The following PPWD1 variants were observed in gnomAD, a reference collection of about 807,000 sequenced individuals.
The protein encoded by PPWD1 is peptidylprolyl isomerase domain and WD repeat-containing protein 1.
Under a neutral mutation model 68.8 loss-of-function variants are expected in PPWD1, and 43 were observed. The ratio of observed to expected loss-of-function variants is 0.62; its 90% CI spans 0.49 to 0.81. The LOEUF is 0.81. Ranked by LOEUF, PPWD1 falls within the 30% of genes least tolerant of loss-of-function variation. PPWD1 has a pLI of 0.00. For missense variants in PPWD1, 672 were observed against 804.8 expected, an observed-to-expected ratio of 0.83 and a Z score of 2.00; for synonymous variants, 232 against 258.7, an observed-to-expected ratio of 0.90 and a Z score of 0.99.
intron 7 of PPWD1, among the ~76,000 whole-genome samples, 158 bp downstream of exon 7, chr5:65,579,771 G>A (rs575995858): frequency 2.6e-5 from 4 of 152,282 alleles, no homozygotes; most frequent in Admixed American, 2.0e-4. Flanking sequence ...GAATTTTAAA[G>A]TAGAAGTTGA....
At position 65,567,616 on chromosome 5, in the gene PPWD1, G is replaced by A; in HGVS notation, c.299+1G>A. 6.3e-7 allele frequency: 1 copy of A among 1,579,638 alleles called. No homozygotes were observed. Among genetic ancestry groups the A allele is most frequent in the Non-Finnish European group, 8.6e-7 (1 of 1,162,550 alleles). On this transcript the variant is annotated splice_donor_variant, in intron 2 of 10. Transcript: ENST00000261308. LOFTEE classifies it high-confidence loss of function. ...TTATCACCCATGTGGTATGCACCAA[G>A]TAAGTCTATCACATCTTTTTTACTT...
chr5:65,564,454 G>A (rs1406158660), intron 1 of PPWD1, among the ~76,000 whole-genome samples: 1 of 151,528 alleles, frequency 6.6e-6, no homozygotes, highest in African/African-American at 2.4e-5. Flanking sequence ...TCAGCCTCCC[G>A]AGTAGCTGGG....
intron 1 of PPWD1, 124 bp downstream of exon 1, chr5:65,563,630 C>T: frequency 2.5e-5 from 32 of 1,302,576 alleles, no homozygotes; most frequent in Non-Finnish European, 3.3e-5. Flanking sequence ...GGGCCGTCCT[C>T]TCACTTCTGG....
chr5:65,576,827 GATATAGGTATATGT>G, intron 5 of PPWD1, 38 bp from the exon 6 acceptor site: 1 of 1,563,734 alleles, frequency 6.4e-7, no homozygotes, highest in Non-Finnish European at 8.7e-7. Flanking sequence ...GGTTGATATA[GATATAGGTATATGT>G]ATATAGAGTT....
chr5:65,567,239 G>A (rs1305047129), intron 1 of PPWD1, among the ~76,000 whole-genome samples: 1 of 150,906 alleles, frequency 6.6e-6, no homozygotes, highest in Non-Finnish European at 1.5e-5. Flanking sequence ...TAAGCCAGAA[G>A]CACTCATTTC....
At chr5:65,577,145 G>A (rs1753337043) in intron 6 of PPWD1, 76 bp downstream of exon 6, 1 of 1,498,950 alleles carries the variant, frequency 6.7e-7, no homozygotes, top group Non-Finnish European at 8.9e-7. Flanking sequence ...GGAACAGTGG[G>A]AGTATTGTTT....
intron 5 of PPWD1, among the ~76,000 whole-genome samples, chr5:65,574,353 A>G (rs1484467747): frequency 6.6e-6 from 1 of 152,070 alleles, no homozygotes; most frequent in East Asian, 1.9e-4. Context: ...ATGACTTGCA[A>G]TTTAAATATA....
intron 9 of PPWD1, among the ~76,000 whole-genome samples, 190 bp downstream of exon 9, chr5:65,585,285 G>A (rs1389718070): frequency 1.3e-5 from 2 of 152,084 alleles, no homozygotes; most frequent in African/African-American, 4.8e-5. Context: ...CAGGAATAGT[G>A]GCATGATTAG....
At chr5:65,564,318 C>CTTTTTTTTT (rs550753414) in intron 1 of PPWD1, among the ~76,000 whole-genome samples, 2 of 117,230 alleles carry the variant, frequency 1.7e-5, no homozygotes, top group Non-Finnish European at 1.7e-5. Flanking sequence ...TTTTCTCTCT[C>CTTTTTTTTT]TTTTTTTTTT....
At position 65,571,918 on chromosome 5, in the gene PPWD1, G is replaced by A. The variant is rs764147428; in HGVS notation, c.601G>A (p.Gly201Arg). The change falls in exon 5 of 11, where the codon GGA becomes AGA. Residue 201 changes from glycine (G) to arginine (R), a missense_variant. Physicochemically the swap from Gly to Arg is moderately radical, Grantham distance 125. Around this residue, in one of 2 missense-constraint regions of PPWD1, gnomAD observed 484 missense variants for 646.2 expected, o/e 0.75. Coordinates refer to ENST00000261308, the MANE Select transcript of PPWD1 (RefSeq NM_015342.4). ...AGTTGCTGCTTCCGAAAAGAGTACA[G>A]GAAAAATTTTCATTTATGATGGCCG... is the stretch of plus-strand genomic sequence containing the variant. ...SSVAASEKST[G>R]KIFIYDGRGD... 6.2e-7 allele frequency: 1 copy of A among 1,614,028 alleles called. No homozygotes were observed. The highest frequency in any genetic ancestry group is 1.1e-5 in the South Asian group (1 of 91,080).
At chr5:65,578,460 A>G (rs537604829) in intron 6 of PPWD1, among the ~76,000 whole-genome samples, 1 of 152,268 alleles carries the variant, frequency 6.6e-6, no homozygotes, top group South Asian at 2.1e-4. Context: ...CCAGCAATGA[A>G]TGAGTGTTCC....
chr5:65,576,535 C>A, intron 5 of PPWD1: 1 of 239,012 alleles, frequency 4.2e-6, no homozygotes, highest in Non-Finnish European at 6.8e-6. Context: ...CATCACCATG[C>A]CCGGCTAAGT....
At chr5:65,577,239 T>G (rs1753341075) in intron 6 of PPWD1, among the ~76,000 whole-genome samples, 170 bp downstream of exon 6, 1 of 152,226 alleles carries the variant, frequency 6.6e-6, no homozygotes, top group Non-Finnish European at 1.5e-5. Context: ...CTTGGTTGTT[T>G]ATAATCTTAT....
At chr5:65,569,451 C>G (rs1399882359) in intron 2 of PPWD1, 181 bp from the exon 3 acceptor site, 33 of 499,680 alleles carry the variant, frequency 6.6e-5, no homozygotes, top group Non-Finnish European at 2.5e-5. Flanking sequence ...GTTTTGACAT[C>G]CAGAAAGGAG....
Position 65,579,840 on chromosome 5 carries a change from A to C in PPWD1, c.1350+227A>C, listed in dbSNP as rs530104494. Among the ~76,000 whole-genome samples the C allele has an allele frequency of 7.1e-4, 108 of 152,332 alleles. 1 individual carries two copies. The highest frequency in any genetic ancestry group is 2.1e-3 in the South Asian group (10 of 4,824). ...TTTGAAATTTTTCAACCTCGTTTCC[A>C]CAACTATTTGTGTTGTTTTAGATAG... is the stretch of plus-strand genomic sequence containing the variant. On this transcript the variant is annotated intron_variant, in intron 7 of 10. Coordinates refer to ENST00000261308, the MANE Select transcript of PPWD1 (RefSeq NM_015342.4).
intron 8 of PPWD1, among the ~76,000 whole-genome samples, chr5:65,584,727 T>A (rs1581166555): frequency 6.6e-6 from 1 of 152,298 alleles, no homozygotes; most frequent in East Asian, 1.9e-4. Context: ...GCTATGGCTG[T>A]ATTTTTTTTG....
At chr5:65,566,045 G>A (rs1394740113) in intron 1 of PPWD1, among the ~76,000 whole-genome samples, 1 of 152,108 alleles carries the variant, frequency 6.6e-6, no homozygotes, top group Non-Finnish European at 1.5e-5. Flanking sequence ...TTCAGGACAG[G>A]AACTGTGTTT....
chr5:65,565,199 CTG>C (rs1381527369), intron 1 of PPWD1, among the ~76,000 whole-genome samples: 1 of 152,202 alleles, frequency 6.6e-6, no homozygotes, highest in Non-Finnish European at 1.5e-5. Flanking sequence ...ACTGCTAAGA[CTG>C]TAAACAAGTA....
intron 1 of PPWD1, among the ~76,000 whole-genome samples, chr5:65,565,454 A>G (rs1005474076): frequency 1.3e-5 from 2 of 152,212 alleles, no homozygotes; most frequent in Non-Finnish European, 2.9e-5. Flanking sequence ...GGAGACAGAT[A>G]TAAATTAGTA....
Sources: allele counts gnomAD v4.1 joint callset (sites outside exome capture counted in the v4.1 genomes callset), GRCh38; gene constraint gnomAD v4.1.1; regional missense constraint gnomAD v4.1.1; transcripts MANE v1.5; gene names NCBI Gene and HGNC (gene_info 2026-07-23, HGNC 2026-07-21).